The following MBD5 variants were observed in gnomAD, a reference collection of about 807,000 sequenced individuals.
The protein encoded by MBD5 is methyl-CpG-binding domain protein 5.
MBD5 carries 13 observed loss-of-function variants against 117.3 expected under a neutral mutation model. The ratio of observed to expected loss-of-function variants is 0.11; its 90% CI spans 0.07 to 0.18. The LOEUF (loss-of-function observed/expected upper bound fraction) is 0.18. Among genes scored for constraint, MBD5 ranks in the 10% least tolerant of loss-of-function variants. The pLI, the probability that MBD5 is intolerant of heterozygous loss-of-function variation, is 1.00. For synonymous variants in MBD5, 727 were observed against 766.4 expected, an observed-to-expected ratio of 0.95 and a Z score of 0.85; for missense variants, 1,879 against 2,093.8, an observed-to-expected ratio of 0.90 and a Z score of 2.00.
Position 148,166,140 on chromosome 2 carries a change from T to A in MBD5, c.-924-12560T>A, listed in dbSNP as rs143316726. ...ATAAACAAGAATGACTCAGAAGCTCTTTATGGTTGCACTTGCTCATTCAGG... is the reference window on the plus strand; with the variant it reads ...ATAAACAAGAATGACTCAGAAGCTCATTATGGTTGCACTTGCTCATTCAGG... On this transcript the variant is annotated intron_variant, in intron 1 of 13. Transcript: ENST00000642680. Among the ~76,000 whole-genome samples, 371 of 152,298 alleles carry A rather than the reference T, an allele frequency of 2.4e-3. 2 individuals carry two copies. Among genetic ancestry groups the A allele is most frequent in the African/African-American group, 8.3e-3 (345 of 41,588 alleles).
chr2:148,422,140 G>C (rs1197711477), intron 4 of MBD5, among the ~76,000 whole-genome samples: 1 of 152,182 alleles, frequency 6.6e-6, no homozygotes, highest in Non-Finnish European at 1.5e-5. Context: ...CTGACTGGGA[G>C]ACACCTTTCA....
In MBD5 at chr2:148,514,689, G is replaced by C. The variant is rs1232262924; in HGVS notation, c.*1748G>C. 1 of 152,370 alleles carries C rather than the reference G, an allele frequency of 6.6e-6. No homozygotes were observed. The highest frequency in any genetic ancestry group is 1.5e-5 in the Non-Finnish European group (1 of 68,134). The allele number at this position is 152,370 out of a possible 1,614,324, so 9.4% of individuals were successfully genotyped here. On this transcript the variant is annotated 3_prime_UTR_variant, in exon 14 of 14. Coordinates refer to ENST00000642680, the MANE Select transcript of MBD5 (RefSeq NM_001378120.1). ...AACTCCTCAGTCCTGTCATGTAGCA[G>C]AGTTCCAGTAACTCAGGAAAATGGA...
At chr2:148,174,848 A>G (rs1471752909) in intron 1 of MBD5, among the ~76,000 whole-genome samples, 2 of 152,164 alleles carry the variant, frequency 1.3e-5, no homozygotes, top group Non-Finnish European at 2.9e-5. Flanking sequence ...AACTTTGTAC[A>G]CTGTTGGTGG....
chr2:148,246,903 G>A (rs75125270), intron 3 of MBD5, among the ~76,000 whole-genome samples: 2,106 of 151,854 alleles, frequency 0.014, 57 homozygotes, highest in African/African-American at 0.048. Context: ...CTATTATCAC[G>A]GATGATGACT....
At chr2:148,298,167 T>A (rs991135188) in intron 3 of MBD5, among the ~76,000 whole-genome samples, 1 of 152,190 alleles carries the variant, frequency 6.6e-6, no homozygotes, top group African/African-American at 2.4e-5. Context: ...GTAGAAGAAC[T>A]TTTGCTCTAC....
chr2:148,199,243 A>T (rs1193167292), intron 2 of MBD5, among the ~76,000 whole-genome samples: 1 of 152,120 alleles, frequency 6.6e-6, no homozygotes, highest in East Asian at 1.9e-4. Context: ...AATCTCCTTT[A>T]CCTAAAGTCA....
At chr2:148,180,343 CAT>C (rs70992196) in intron 2 of MBD5, among the ~76,000 whole-genome samples, 23 of 105,546 alleles carry the variant, frequency 2.2e-4, no homozygotes, top group African/African-American at 5.0e-4. Flanking sequence ...AAAAATTATA[CAT>C]ATATATATAT....
chr2:148,468,857 C>T lies in MBD5; in HGVS notation c.914C>T (p.Thr305Ile). The T allele has an allele frequency of 1.2e-6, 2 of 1,613,926 alleles. No homozygotes were observed. Among genetic ancestry groups the T allele is most frequent in the Non-Finnish European group, 1.7e-6 (2 of 1,179,920 alleles). Residue 305 changes from threonine (T) to isoleucine (I), a missense_variant, in exon 8 of 14, where the codon ACA becomes ATA. Around this residue, in one of 4 missense-constraint regions of MBD5, gnomAD observed 1,666 missense variants for 1,792.2 expected, o/e 0.93. Transcript: ENST00000642680. ...TNIPLSPTLT[T>I]KSPVMKKPMC... ...ATACCTCTTTCCCCAACCTTGACTACAAAGAGTCCAGTAATGAAAAAACCA... is the reference window on the plus strand; with the variant it reads ...ATACCTCTTTCCCCAACCTTGACTATAAAGAGTCCAGTAATGAAAAAACCA...
At chr2:148,252,789 A>G (rs1034949804) in intron 3 of MBD5, among the ~76,000 whole-genome samples, 2 of 152,066 alleles carry the variant, frequency 1.3e-5, no homozygotes, top group African/African-American at 2.4e-5. Flanking sequence ...AGCTCAAGCA[A>G]TTTGCCTGCC....
intron 3 of MBD5, among the ~76,000 whole-genome samples, chr2:148,293,451 T>C (rs900320307): frequency 6.6e-6 from 1 of 152,210 alleles, no homozygotes; most frequent in African/African-American, 2.4e-5. Flanking sequence ...GTCTCCATGA[T>C]GTGTTTATTT....
chr2:148,479,863 C>A (rs949570041), intron 8 of MBD5, among the ~76,000 whole-genome samples: 1 of 151,850 alleles, frequency 6.6e-6, no homozygotes, highest in African/African-American at 2.4e-5. Flanking sequence ...TTATTATACA[C>A]CTGTTATACC....
At chr2:148,364,504 T>G (rs546887493) in intron 4 of MBD5, among the ~76,000 whole-genome samples, 3 of 152,302 alleles carry the variant, frequency 2.0e-5, no homozygotes, top group South Asian at 4.1e-4. Context: ...GTATTAACCT[T>G]TAATGTAAAT....
At chr2:148,066,022 T>C (rs1424616431) in intron 1 of MBD5, among the ~76,000 whole-genome samples, 1 of 152,192 alleles carries the variant, frequency 6.6e-6, no homozygotes, top group African/African-American at 2.4e-5. Context: ...TAATTTTAAA[T>C]GCCATTGTTG....
chr2:148,040,445 A>G (rs1177390899), intron 1 of MBD5, among the ~76,000 whole-genome samples: 2 of 152,196 alleles, frequency 1.3e-5, no homozygotes, highest in Non-Finnish European at 2.9e-5. Flanking sequence ...GACAGAATAG[A>G]TTATCCAGCC....
At chr2:148,242,172 G>C (rs1166771362) in intron 3 of MBD5, among the ~76,000 whole-genome samples, 1 of 152,100 alleles carries the variant, frequency 6.6e-6, no homozygotes, top group East Asian at 1.9e-4. Flanking sequence ...CGTAAAGCAT[G>C]TGACACATAA....
chr2:148,085,551 C>T (rs1695757276), intron 1 of MBD5, among the ~76,000 whole-genome samples: 3 of 151,640 alleles, frequency 2.0e-5, no homozygotes, highest in Non-Finnish European at 2.9e-5. Context: ...GGTGAAACCC[C>T]GTCTCTACTA....
intron 3 of MBD5, among the ~76,000 whole-genome samples, chr2:148,321,684 T>C (rs1325045389): frequency 6.6e-6 from 1 of 152,210 alleles, no homozygotes; most frequent in East Asian, 1.9e-4. Context: ...CTTTTTTACC[T>C]TTGTGCTTTT....
intron 4 of MBD5, among the ~76,000 whole-genome samples, chr2:148,358,618 C>CAAAAAAAAAA (rs35838466): frequency 1.2e-5 from 1 of 82,502 alleles, no homozygotes; most frequent in Non-Finnish European, 2.4e-5. Context: ...ACTAAAAATA[C>CAAAAAAAAAA]AAAAAAAAAA....
chr2:148,123,553 TG>T (rs2105419989), intron 1 of MBD5, among the ~76,000 whole-genome samples: 1 of 152,242 alleles, frequency 6.6e-6, no homozygotes, highest in Admixed American at 6.5e-5. Flanking sequence ...CAAAGTAAGA[TG>T]GGGGATGGAT....
Sources: allele counts gnomAD v4.1 joint callset (sites outside exome capture counted in the v4.1 genomes callset), GRCh38; gene constraint gnomAD v4.1.1; regional missense constraint gnomAD v4.1.1; transcripts MANE v1.5; gene names NCBI Gene and HGNC (gene_info 2026-07-23, HGNC 2026-07-21).